Variants in ECT2L observed in about 807,000 individuals in gnomAD.
The protein encoded by ECT2L is epithelial cell-transforming sequence 2 oncogene-like.
In ECT2L, 126 loss-of-function variants were observed where a neutral mutation model predicts 122.8. The ratio of observed to expected loss-of-function variants is 1.03; its 90% confidence interval spans 0.89 to 1.19. The LOEUF is 1.19. Among genes scored for constraint, ECT2L ranks in the 50% most tolerant of loss-of-function variants. ECT2L has a pLI of 0.00. For synonymous variants in ECT2L, 385 were observed against 381.8 expected, an observed-to-expected ratio of 1.01 and a Z score of -0.10; for missense variants, 1,012 against 1,064.1, an observed-to-expected ratio of 0.95 and a Z score of 0.68.
intron 9 of ECT2L, among the ~76,000 whole-genome samples, chr6:138,850,746 A>G (rs1045875012): frequency 2.6e-5 from 4 of 152,106 alleles, no homozygotes; most frequent in African/African-American, 4.8e-5. Context: ...TCACGCCTAT[A>G]ATCCCAGCGC....
chr6:138,902,400 A>G, intron 21 of ECT2L, 100 bp from the exon 22 acceptor site: 1 of 1,159,360 alleles, frequency 8.6e-7, no homozygotes, highest in East Asian at 2.4e-5. Context: ...TTTAGGTTTT[A>G]AAAAATTCTT....
At chr6:138,826,453 C>T (rs559771962) in intron 4 of ECT2L, among the ~76,000 whole-genome samples, 71 of 152,034 alleles carry the variant, frequency 4.7e-4, no homozygotes, top group Middle Eastern at 3.4e-3. Context: ...TTTGGGAGGC[C>T]GAGGCGGGAG....
intron 4 of ECT2L, among the ~76,000 whole-genome samples, chr6:138,834,933 A>ACTCTCT (rs555275673): frequency 0.023 from 1,943 of 83,884 alleles, 34 homozygotes; most frequent in Middle Eastern, 0.09. Context: ...ACACACACAC[A>ACTCTCT]CACTCTCATT....
intron 1 of ECT2L, among the ~76,000 whole-genome samples, chr6:138,799,343 T>A (rs1438040165): frequency 8.0e-5 from 12 of 150,898 alleles, no homozygotes; most frequent in Admixed American, 2.0e-4. Flanking sequence ...AAGCTCCGCC[T>A]CCCGGGTTCA....
At chr6:138,855,932 T>C (rs79501372) in intron 10 of ECT2L, among the ~76,000 whole-genome samples, 4,801 of 152,312 alleles carry the variant, frequency 0.032, 94 homozygotes, top group African/African-American at 0.06. Flanking sequence ...AAAGTGGATT[T>C]GGTGACATAA....
chr6:138,861,128 A>T (rs11155016), intron 10 of ECT2L, among the ~76,000 whole-genome samples: 51,496 of 151,766 alleles, frequency 0.34, 8,893 homozygotes, highest in Admixed American at 0.41. Context: ...CAGTCTACGA[A>T]TGATGGACAT....
intron 20 of ECT2L, among the ~76,000 whole-genome samples, chr6:138,898,001 T>A (rs1779273752): frequency 6.6e-6 from 1 of 152,168 alleles, no homozygotes. Context: ...TTATTACAGA[T>A]TTAAACAGTT....
In ECT2L at chr6:138,822,203, C is replaced by T. The variant is rs557092968; in HGVS notation, c.179+7600C>T. 1.8e-4 allele frequency among the ~76,000 whole-genome samples: 27 copies of T among 152,360 alleles called. No homozygotes were observed. The South Asian group carries it at 5.0e-3, about 28-fold the overall frequency. The stretch of plus-strand genomic sequence containing the variant: ...TAGCCCCAGCCATGCTGCAAGCACT[C>T]TGCCAGTTGCCAGGGACAGAGCAGT... On this transcript the variant is annotated intron_variant, in intron 4 of 21. Transcript: ENST00000541398.
Position 138,814,347 on chromosome 6 carries a change from T to C in ECT2L, c.67-144T>C, listed in dbSNP as rs879158914. ...TAACCTGAAAGGAGAGACCTTTCTC[T>C]CTATATGTGAAAGCGCTCTGTGAAC... On this transcript the variant is annotated intron_variant, in intron 3 of 21. Coordinates refer to ENST00000541398, the MANE Select transcript of ECT2L (RefSeq NM_001077706.3). 28 of 437,868 alleles carry C rather than the reference T, an allele frequency of 6.4e-5. No homozygotes were observed. The South Asian group carries it at 1.9e-3, about 29-fold the overall frequency. 27.1% of individuals were successfully genotyped at this position (437,868 alleles called of 1,614,324 possible).
chr6:138,834,038 CTACTTCT>C (rs2128385152), intron 4 of ECT2L, among the ~76,000 whole-genome samples: 1 of 152,274 alleles, frequency 6.6e-6, no homozygotes, highest in East Asian at 1.9e-4. Flanking sequence ...TTGGCAGCTT[CTACTTCT>C]TATCAGAAAT....
rs372946686 is a variant in ECT2L, at chr6:138,882,744, G to C, written c.1901G>C (p.Arg634Thr). The C allele has an allele frequency of 2.6e-5, 42 of 1,614,138 alleles. 2 individuals are homozygous for C. In the South Asian group the frequency reaches 4.6e-4, roughly 18 times the overall value. ...CACAGGCAGTTTCTAGATAACCTGA[G>C]AGACAGACTGCAGGAATGGGGCCCA... ...SLNRQFLDNLRDRLQEWGPAH... is the reference protein window; with the variant it reads ...SLNRQFLDNLTDRLQEWGPAH... The change falls in exon 16 of 22, where the codon AGA (arginine) becomes ACA (threonine). Residue 634 changes from arginine (R) to threonine (T), a missense_variant. Transcript: ENST00000541398.
At chr6:138,834,716 G>C (rs1433734103) in intron 4 of ECT2L, among the ~76,000 whole-genome samples, 1 of 152,122 alleles carries the variant, frequency 6.6e-6, no homozygotes, top group African/African-American at 2.4e-5. Flanking sequence ...TAATTCATTA[G>C]AAATTAACTG....
At chr6:138,890,997 T>C (rs1311067073) in intron 20 of ECT2L, among the ~76,000 whole-genome samples, 1 of 152,192 alleles carries the variant, frequency 6.6e-6, no homozygotes, top group Non-Finnish European at 1.5e-5. Flanking sequence ...ATCGACTGAA[T>C]GGACTCCTCC....
intron 5 of ECT2L, among the ~76,000 whole-genome samples, chr6:138,839,913 A>C (rs1405065298): frequency 6.6e-6 from 1 of 152,130 alleles, no homozygotes; most frequent in Non-Finnish European, 1.5e-5. Context: ...GGGAGCTTAA[A>C]ACACTTTAAA....
chr6:138,885,630 T>C, intron 17 of ECT2L, 44 bp from the exon 18 acceptor site: 1 of 1,613,972 alleles, frequency 6.2e-7, no homozygotes, highest in Non-Finnish European at 8.5e-7. Context: ...AGGGCATTCC[T>C]GGGCCTTCAG....
At chr6:138,800,293 T>C (rs531064807) in intron 1 of ECT2L, among the ~76,000 whole-genome samples, 3 of 152,344 alleles carry the variant, frequency 2.0e-5, no homozygotes, top group African/African-American at 7.2e-5. Context: ...AACAAGATCA[T>C]TCTTAAATGA....
intron 4 of ECT2L, among the ~76,000 whole-genome samples, chr6:138,815,863 A>C (rs1583550380): frequency 6.6e-6 from 1 of 152,078 alleles, no homozygotes; most frequent in Admixed American, 6.6e-5. Flanking sequence ...TCTTTCTTAC[A>C]TGTTTTCCTG....
Position 138,854,135 on chromosome 6 carries a change from C to T in ECT2L, c.1179C>T (p.Phe393=), listed in dbSNP as rs201910297. ...TEEEGGHVDF[F]VPLGASEAGI... ...AAGAAGGGGGTCACGTGGACTTCTT[C>T]GTGCCCCTTGGAGCATCAGGTTAGC... The change falls in exon 10 of 22, where the codon TTC becomes TTT. Residue 393 remains phenylalanine (F), a synonymous_variant. Transcript: ENST00000541398. The T allele has an allele frequency of 4.4e-5, 71 of 1,613,932 alleles. No individual in the cohort carries two copies. In the African/African-American group the frequency reaches 7.5e-4, roughly 17 times the overall value.
At chr6:138,799,955 G>A (rs547692436) in intron 1 of ECT2L, among the ~76,000 whole-genome samples, 14 of 152,292 alleles carry the variant, frequency 9.2e-5, no homozygotes, top group South Asian at 4.1e-4. Flanking sequence ...TTCTAGTGCC[G>A]TGTCAGTCAG....
Sources: allele counts gnomAD v4.1 joint callset (sites outside exome capture counted in the v4.1 genomes callset), GRCh38; gene constraint gnomAD v4.1.1; transcripts MANE v1.5; gene names NCBI Gene and HGNC (gene_info 2026-07-23, HGNC 2026-07-21).